Variants in NT5C3A observed in about 807,000 individuals in gnomAD.
NT5C3A encodes cytosolic 5'-nucleotidase 3A.
In NT5C3A, 23 loss-of-function variants were observed where a neutral mutation model predicts 40.0. The observed-to-expected ratio is 0.58, with a 90% CI of 0.41 to 0.81. The LOEUF (loss-of-function observed/expected upper bound fraction) is 0.81. Ranked by LOEUF, NT5C3A falls within the 40% of genes least tolerant of loss-of-function variation. NT5C3A has a pLI of 0.00. For missense variants in NT5C3A, 328 were observed against 403.0 expected (o/e 0.81, Z 1.59); for synonymous variants, 130 against 141.4 (o/e 0.92, Z 0.57).
At position 33,062,338 on chromosome 7, in the gene NT5C3A, G is replaced by A. The variant is rs575567634; in HGVS notation, c.138+230C>T. On this transcript the variant is annotated intron_variant, in intron 1 of 8. Transcript: ENST00000610140. ...CCTAACAAAGACCACGGGCAGCCAA[G>A]GGCCGCAGCCGGGGACCCAACCCTG... Among the ~76,000 whole-genome samples, 183 of 152,322 alleles carry A rather than the reference G, an allele frequency of 1.2e-3. 2 individuals carry two copies. Among genetic ancestry groups the A allele is most frequent in the Admixed American group, 2.6e-3 (40 of 15,308 alleles).
Position 33,062,603 on chromosome 7 carries a change from T to G in NT5C3A, c.103A>C (p.Arg35=). 6.2e-7 allele frequency: 1 copy of G among 1,610,000 alleles called. No homozygotes were observed. The highest frequency in any genetic ancestry group is 8.5e-7 in the Non-Finnish European group (1 of 1,178,868). The change falls in exon 1 of 9, where the codon AGG becomes CGG. Residue 35 remains arginine (R), a synonymous_variant. Coordinates refer to ENST00000610140, the MANE Select transcript of NT5C3A (RefSeq NM_001002010.5). ...ATCTTGGTCTTCCGCCCCGTCTTCC[T>G]CTTCAAGGTGAATATGTACTGAGCC... ...VLAQYIFTLK[R]KTGRKTKIIE...
At chr7:33,021,142 C>A (rs1196147742) in intron 5 of NT5C3A, 130 bp downstream of exon 5, 3 of 1,197,518 alleles carry the variant, frequency 2.5e-6, no homozygotes, top group Non-Finnish European at 3.5e-6. Flanking sequence ...TTTTGTTATT[C>A]AATGCTCTAA....
intron 6 of NT5C3A, 82 bp from the exon 7 acceptor site, chr7:33,017,683 T>A: frequency 9.4e-7 from 1 of 1,062,866 alleles, no homozygotes; most frequent in Non-Finnish European, 1.5e-6. Flanking sequence ...AGTGAAATAT[T>A]CCTAGTAATT....
In NT5C3A at chr7:33,036,805, T is replaced by A. The variant is rs1786631319; in HGVS notation, c.139-9890A>T. On this transcript the variant is annotated intron_variant, in intron 1 of 8. Coordinates refer to ENST00000610140, the MANE Select transcript of NT5C3A (RefSeq NM_001002010.5). ...TTACATTAAAATTTTATTTTTATTTTTTTATTTTTTATTTTTATTTTTTTT... is the reference window on the plus strand; with the variant it reads ...TTACATTAAAATTTTATTTTTATTTATTTATTTTTTATTTTTATTTTTTTT... 2.0e-5 allele frequency among the ~76,000 whole-genome samples: 3 copies of A among 152,088 alleles called. No homozygotes were observed. In the South Asian group the frequency reaches 6.2e-4, roughly 32 times the overall value.
intron 6 of NT5C3A, among the ~76,000 whole-genome samples, chr7:33,018,588 C>T (rs139888212): frequency 1.3e-3 from 198 of 152,318 alleles, no homozygotes; most frequent in African/African-American, 4.5e-3. Flanking sequence ...CAGTGGCTCA[C>T]GCCTGTAACC....
chr7:33,041,890 C>T (rs959986450), intron 1 of NT5C3A, among the ~76,000 whole-genome samples: 4 of 152,120 alleles, frequency 2.6e-5, no homozygotes, highest in Non-Finnish European at 5.9e-5. Context: ...CTACACTACA[C>T]TTATGTAAAT....
In NT5C3A at chr7:33,021,225, GTTTTA is replaced by G. The variant is rs1009610215; in HGVS notation, c.440+42_440+46del. ...AGCCATCAGTTGTAACTGCAGTGTTGTTTTATTATTTTTTTTTAATCCTCCTACTG... is the reference window on the plus strand; with the variant it reads ...AGCCATCAGTTGTAACTGCAGTGTTGTTATTTTTTTTTAATCCTCCTACTG... On this transcript the variant is annotated intron_variant, in intron 5 of 8. Coordinates refer to ENST00000610140, the MANE Select transcript of NT5C3A (RefSeq NM_001002010.5). The G allele has an allele frequency of 2.5e-6, 4 of 1,606,324 alleles. No individual in the cohort carries two copies. The African/African-American group carries it at 5.4e-5, about 22-fold the overall frequency.
At chr7:33,024,159 G>A (rs375657643) in intron 2 of NT5C3A, 51 bp from the exon 3 acceptor site, 1 of 1,021,076 alleles carries the variant, frequency 9.8e-7, no homozygotes, top group Non-Finnish European at 1.5e-6. Flanking sequence ...CACATGGCCA[G>A]AATTTCTCTG....
chr7:33,023,534 C>T (rs998684490), intron 3 of NT5C3A, among the ~76,000 whole-genome samples: 2 of 152,154 alleles, frequency 1.3e-5, no homozygotes, highest in African/African-American at 4.8e-5. Flanking sequence ...GCCGAGATTA[C>T]AGGCATGAGT....
intron 1 of NT5C3A, among the ~76,000 whole-genome samples, chr7:33,044,874 ATTAT>A (rs1396916879): frequency 2.0e-5 from 3 of 152,226 alleles, no homozygotes; most frequent in South Asian, 2.1e-4. Flanking sequence ...TTAATAACTT[ATTAT>A]TTGTCTTTAA....
rs551616165 is a variant in NT5C3A at position 33,024,194 on chromosome 7, C to T, written c.238-86G>A. 142 of 759,374 alleles carry T rather than the reference C, an allele frequency of 1.9e-4. 1 individual carries two copies. Among genetic ancestry groups the T allele is most frequent in the South Asian group, 1.7e-3 (116 of 69,690 alleles). 47.0% of individuals were successfully genotyped at this position (759,374 alleles called of 1,614,324 possible). On this transcript the variant is annotated intron_variant, in intron 2 of 8. Transcript: ENST00000610140. ...GTGCTACCCAAACACATACTTCATG[C>T]TTTCCTAGATGCATAGGACTGTGCT...
chr7:33,015,674 T>G lies in NT5C3A; in HGVS notation c.890A>C (p.Asp297Ala). The G allele has an allele frequency of 1.3e-6, 2 of 1,594,036 alleles. No homozygotes were observed. Among genetic ancestry groups the G allele is most frequent in the Non-Finnish European group, 1.7e-6 (2 of 1,162,924 alleles). ...ATTACAGATTTGTATACTTACTCTATCATTTAGATATCCAATTTTCAGAAT... is the reference window on the plus strand; with the variant it reads ...ATTACAGATTTGTATACTTACTCTAGCATTTAGATATCCAATTTTCAGAAT... ...EHILKIGYLN[D>A]RVDELLEKYM... Residue 297 changes from aspartate (D) to alanine (A), a missense_variant, in exon 8 of 9, where the codon GAT becomes GCT. Physicochemically the swap from Asp to Ala is moderately radical, Grantham distance 126. Around this residue, in one of 3 missense-constraint regions of NT5C3A, gnomAD observed 36 missense variants for 51.1 expected, o/e 0.70. Coordinates refer to ENST00000610140, the MANE Select transcript of NT5C3A (RefSeq NM_001002010.5).
intron 1 of NT5C3A, among the ~76,000 whole-genome samples, chr7:33,043,945 T>A (rs1236397538): frequency 6.6e-6 from 1 of 152,190 alleles, no homozygotes; most frequent in Admixed American, 6.5e-5. Context: ...CCTCCCTTTT[T>A]ATAGATAAAG....
At chr7:33,041,418 A>G (rs1233254221) in intron 1 of NT5C3A, among the ~76,000 whole-genome samples, 1 of 151,766 alleles carries the variant, frequency 6.6e-6, no homozygotes, top group Non-Finnish European at 1.5e-5. Flanking sequence ...GTGTAGATGT[A>G]CTTAATGCCA....
At chr7:33,020,311 C>T (rs539271201) in intron 5 of NT5C3A, among the ~76,000 whole-genome samples, 1 of 151,792 alleles carries the variant, frequency 6.6e-6, no homozygotes, top group South Asian at 2.1e-4. Flanking sequence ...AAAAAAAAGC[C>T]TAACTCTTCA....
intron 1 of NT5C3A, chr7:33,036,054 T>G (rs1786584044): frequency 8.0e-7 from 1 of 1,245,266 alleles, no homozygotes; most frequent in African/African-American, 1.5e-5. Context: ...ATACATAAAT[T>G]TCAGGTTCTT....
chr7:33,039,402 G>T (rs4720098), intron 1 of NT5C3A, among the ~76,000 whole-genome samples: 1 of 151,806 alleles, frequency 6.6e-6, no homozygotes, highest in African/African-American at 2.4e-5. Context: ...ACATTGATAA[G>T]GTAATAAAAT....
chr7:33,040,449 A>C (rs992973764), intron 1 of NT5C3A, among the ~76,000 whole-genome samples: 1 of 152,220 alleles, frequency 6.6e-6, no homozygotes, highest in Non-Finnish European at 1.5e-5. Context: ...AAAAATTGAT[A>C]ATCTTTATTA....
At position 33,023,888 on chromosome 7, in the gene NT5C3A, C is replaced by G. The variant is rs1365895464; in HGVS notation, c.307+151G>C. ...CATTTATATAATATGGGAAAAAAAA[C>G]CTCAAAAATATAATAAGAAAAAGCA... is the stretch of plus-strand genomic sequence containing the variant. On this transcript the variant is annotated intron_variant, in intron 3 of 8. Transcript: ENST00000610140. The G allele has an allele frequency of 4.8e-6, 3 of 621,728 alleles. No individual in the cohort carries two copies. In the East Asian group the frequency reaches 8.4e-5, roughly 17 times the overall value. The allele number at this position is 621,728 out of a possible 1,614,324, so 38.5% of individuals were successfully genotyped here. A position where few individuals can be genotyped will look rare whatever the true frequency, so the allele number is the denominator to read the frequency against.
Sources: allele counts gnomAD v4.1 joint callset (sites outside exome capture counted in the v4.1 genomes callset), GRCh38; gene constraint gnomAD v4.1.1; regional missense constraint gnomAD v4.1.1; transcripts MANE v1.5; gene names NCBI Gene and HGNC (gene_info 2026-07-23, HGNC 2026-07-21).